Variants in P2RX3 observed in about 807,000 individuals in gnomAD.
P2RX3 encodes the protein P2X purinoceptor 3.
Under a neutral mutation model 51.5 loss-of-function variants are expected in P2RX3, and 41 were observed. The observed-to-expected ratio is 0.80, with a 90% CI of 0.62 to 1.03. The LOEUF (loss-of-function observed/expected upper bound fraction) is 1.03. P2RX3 is among the 50% of genes least tolerant of loss of function. The pLI is 0.00. For synonymous variants in P2RX3, 185 were observed against 191.6 expected (o/e 0.97, Z 0.29); for missense variants, 459 against 522.1 (o/e 0.88, Z 1.18).
At chr11:57,369,727 C>T (rs1280401147) in intron 11 of P2RX3, among the ~76,000 whole-genome samples, 157 bp from the exon 12 acceptor site, 2 of 152,084 alleles carry the variant, frequency 1.3e-5, no homozygotes, top group Non-Finnish European at 1.5e-5. Flanking sequence ...TCTGTTTGCC[C>T]TCGGGGTACA....
At chr11:57,358,435 C>T (rs1195114993) in intron 8 of P2RX3, among the ~76,000 whole-genome samples, 2 of 152,020 alleles carry the variant, frequency 1.3e-5, no homozygotes, top group East Asian at 1.9e-4. Context: ...ATCCAAATAA[C>T]GAAAAATGCT....
At chr11:57,347,911 G>A (rs1283348002) in intron 4 of P2RX3, among the ~76,000 whole-genome samples, 1 of 152,166 alleles carries the variant, frequency 6.6e-6, no homozygotes, top group East Asian at 1.9e-4. Flanking sequence ...CAGACTCAGA[G>A]GCAAGGAAGG....
intron 6 of P2RX3, 95 bp from the exon 7 acceptor site, chr11:57,349,662 C>G (rs1203007808): frequency 2.7e-6 from 4 of 1,480,506 alleles, no homozygotes; most frequent in South Asian, 2.4e-5. Flanking sequence ...GGGCTCAGAT[C>G]CCCCCTAGGC....
intron 8 of P2RX3, among the ~76,000 whole-genome samples, chr11:57,359,573 G>A (rs1856684338): frequency 6.6e-6 from 1 of 152,214 alleles, no homozygotes; most frequent in Non-Finnish European, 1.5e-5. Context: ...CAGCTGTTCG[G>A]GCTCTGTTCT....
chr11:57,347,469 C>T lies in P2RX3; in HGVS notation c.382C>T (p.Pro128Ser). Residue 128 changes from proline (P) to serine (S), a missense_variant, in exon 4 of 12, where the codon CCA (proline) becomes TCA (serine). Transcript: ENST00000263314. ...CAGCCAGTGCGGGCCTGAGCGCTTGCCAGGTGGGGGTGAGTCCAGCCCCTT... is the reference window on the plus strand; with the variant it reads ...CAGCCAGTGCGGGCCTGAGCGCTTGTCAGGTGGGGGTGAGTCCAGCCCCTT... The part of the protein sequence containing the change: ...SDSQCGPERL[P>S]GGGILTGRCV... 3 of 1,556,750 alleles carry T rather than the reference C, an allele frequency of 1.9e-6. No individual in the cohort carries two copies. The highest frequency in any genetic ancestry group is 2.6e-6 in the Non-Finnish European group (3 of 1,149,928).
Position 57,370,045 on chromosome 11 carries a change from C to A in P2RX3, c.*48C>A. The A allele has an allele frequency of 1.5e-6, 2 of 1,341,376 alleles. No homozygotes were observed. The highest frequency in any genetic ancestry group is 2.1e-6 in the Non-Finnish European group (2 of 953,464). The allele number at this position is 1,341,376 out of a possible 1,614,324, so 83.1% of individuals were successfully genotyped here. On this transcript the variant is annotated 3_prime_UTR_variant, in exon 12 of 12. Transcript: ENST00000263314. Reference sequence around the variant, plus strand: ...CTCACAAAGGCTCCAGGCCTCCCCACAGAGGACCCTGCCTGAGCAAGGGGC... The same window carrying A: ...CTCACAAAGGCTCCAGGCCTCCCCAAAGAGGACCCTGCCTGAGCAAGGGGC...
rs189673192 is a variant in P2RX3, at chr11:57,349,623, G to A, written c.564-134G>A. On this transcript the variant is annotated intron_variant, in intron 6 of 11. Transcript: ENST00000263314. Reference sequence around the variant, plus strand: ...GATGCAGGGAAAGGAAAGAGGGGAGGGAGATGGCGAGGTCCAGATGAAGGC... The same window carrying A: ...GATGCAGGGAAAGGAAAGAGGGGAGAGAGATGGCGAGGTCCAGATGAAGGC... The A allele has an allele frequency of 4.6e-4, 459 of 1,008,440 alleles. 1 individual carries two copies. In the African/African-American group the frequency reaches 6.6e-3, roughly 15 times the overall value. The allele number at this position is 1,008,440 out of a possible 1,614,324, so 62.5% of individuals were successfully genotyped here. A position where few individuals can be genotyped will look rare whatever the true frequency, so the allele number is the denominator to read the frequency against.
chr11:57,347,265 T>TA, intron 3 of P2RX3, 78 bp downstream of exon 3: 1 of 1,530,730 alleles, frequency 6.5e-7, no homozygotes, highest in South Asian at 1.2e-5. Flanking sequence ...GGCAGGGAGG[T>TA]ATGAGCAGAG....
At position 57,368,107 on chromosome 11, in the gene P2RX3, G is replaced by T. The variant is rs1242143803; in HGVS notation, c.936+5G>T. 20 of 1,613,702 alleles carry T rather than the reference G, an allele frequency of 1.2e-5. No homozygotes were observed. Among genetic ancestry groups the T allele is most frequent in the Non-Finnish European group, 1.5e-5 (18 of 1,179,592 alleles). On this transcript the variant is annotated splice_donor_5th_base_variant and intron_variant, in intron 9 of 11. Transcript: ENST00000263314. ...GACGTGCTGGTATACGGGAATGTGA[G>T]TCCATGGGCCAGGCAGATGGGGTGG...
chr11:57,364,371 C>G (rs1229638204), intron 8 of P2RX3, among the ~76,000 whole-genome samples: 1 of 152,218 alleles, frequency 6.6e-6, no homozygotes, highest in Non-Finnish European at 1.5e-5. Context: ...ACTTTGGAGG[C>G]ATCGGTATGG....
intron 8 of P2RX3, among the ~76,000 whole-genome samples, chr11:57,361,468 AG>A (rs1856717925): frequency 6.6e-6 from 1 of 152,102 alleles, no homozygotes; most frequent in Non-Finnish European, 1.5e-5. Flanking sequence ...AACAGGCACC[AG>A]TGTGTGTTGT....
intron 7 of P2RX3, 39 bp downstream of exon 7, chr11:57,349,937 C>A: frequency 6.2e-7 from 1 of 1,611,020 alleles, no homozygotes; most frequent in South Asian, 1.1e-5. Context: ...CCAAACTCCC[C>A]ACCTTCAGCC....
intron 8 of P2RX3, among the ~76,000 whole-genome samples, chr11:57,363,705 G>A (rs547354595): frequency 4.8e-4 from 73 of 152,302 alleles, no homozygotes; most frequent in African/African-American, 1.7e-3. Flanking sequence ...TGACCAATGA[G>A]CTGTCTCTGT....
upstream of P2RX3, among the ~76,000 whole-genome samples, chr11:57,336,107 T>C (rs1856215652): frequency 6.6e-6 from 1 of 152,178 alleles, no homozygotes; most frequent in Admixed American, 6.5e-5. Context: ...GTAGTTTTAT[T>C]GTATCAGACT....
intron 8 of P2RX3, among the ~76,000 whole-genome samples, chr11:57,359,020 G>A (rs1032227605): frequency 2.6e-5 from 4 of 152,180 alleles, no homozygotes; most frequent in Non-Finnish European, 5.9e-5. Context: ...CGGAGGCAAA[G>A]CACATTCAGC....
intron 8 of P2RX3, among the ~76,000 whole-genome samples, 153 bp downstream of exon 8, chr11:57,351,051 A>G (rs1056105888): frequency 1.3e-5 from 2 of 152,140 alleles, no homozygotes; most frequent in Non-Finnish European, 2.9e-5. Flanking sequence ...ACTCTCTAAC[A>G]GCCATTAGGA....
At chr11:57,348,592 C>T (rs1856485857) in intron 5 of P2RX3, 35 bp from the exon 6 acceptor site, 2 of 1,573,118 alleles carry the variant, frequency 1.3e-6, no homozygotes, top group Non-Finnish European at 1.7e-6. Context: ...CCCTCTTCTT[C>T]CTGGAAAGCT....
intron 1 of P2RX3, among the ~76,000 whole-genome samples, chr11:57,343,490 G>A (rs932102703): frequency 2.0e-5 from 3 of 152,204 alleles, no homozygotes; most frequent in Admixed American, 2.0e-4. Context: ...GGTTAGAGCT[G>A]ACATACCAGC....
chr11:57,346,724 G>A (rs1463761247), intron 2 of P2RX3, 45 bp downstream of exon 2: 1 of 1,604,518 alleles, frequency 6.2e-7, no homozygotes, highest in African/African-American at 1.3e-5. Flanking sequence ...TCCAGACACT[G>A]GGCAGGTTGG....
Sources: allele counts gnomAD v4.1 joint callset (sites outside exome capture counted in the v4.1 genomes callset), GRCh38; gene constraint gnomAD v4.1.1; transcripts MANE v1.5; gene names NCBI Gene and HGNC (gene_info 2026-07-23, HGNC 2026-07-21).